Variants in CSDE1 observed in about 807,000 individuals in gnomAD.
CSDE1 encodes cold shock domain-containing protein E1.
Under a neutral mutation model 89.3 loss-of-function variants are expected in CSDE1, and 17 were observed. The observed-to-expected ratio is 0.19, with a 90% CI of 0.13 to 0.29. The LOEUF (loss-of-function observed/expected upper bound fraction) is 0.29. Ranked by LOEUF, CSDE1 falls within the 10% of genes least tolerant of loss-of-function variation. The pLI, the probability that CSDE1 is intolerant of heterozygous loss-of-function variation, is 1.00. For missense variants in CSDE1, 672 were observed against 984.2 expected, an observed-to-expected ratio of 0.68 and a Z score of 4.24; for synonymous variants, 322 against 332.8, an observed-to-expected ratio of 0.97 and a Z score of 0.35.
intron 16 of CSDE1, among the ~76,000 whole-genome samples, chr1:114,721,969 C>T (rs1165326544): frequency 6.6e-6 from 1 of 151,536 alleles, no homozygotes; most frequent in Non-Finnish European, 1.5e-5. Context: ...GCAACTTCCG[C>T]CTCCCAGGTT....
In CSDE1 at chr1:114,719,569, C is replaced by A. The variant is rs112388342; in HGVS notation, c.2216+10G>T. 82 of 1,610,546 alleles carry A rather than the reference C, an allele frequency of 5.1e-5. No individual in the cohort carries two copies. In the Middle Eastern group the frequency reaches 1.0e-3, roughly 20 times the overall value. On this transcript the variant is annotated intron_variant, in intron 18 of 19. Transcript: ENST00000358528. ...GTAGTTACTAATCAAACCACAACAACAAAACTCACCAGACTCGCCAAACAT... is the reference window on the plus strand; with the variant it reads ...GTAGTTACTAATCAAACCACAACAAAAAAACTCACCAGACTCGCCAAACAT...
At chr1:114,721,173 CCTTTT>C (rs1428324551) in intron 16 of CSDE1, among the ~76,000 whole-genome samples, 1 of 152,172 alleles carries the variant, frequency 6.6e-6, no homozygotes, top group African/African-American at 2.4e-5. Context: ...CACCCCACCT[CCTTTT>C]TTTTTGTTCG....
intron 16 of CSDE1, among the ~76,000 whole-genome samples, chr1:114,722,998 T>C (rs954759226): frequency 8.5e-5 from 13 of 152,202 alleles, no homozygotes; most frequent in Non-Finnish European, 1.3e-4. Flanking sequence ...CAAGCCATCA[T>C]CTTTTCTTTT....
Position 114,734,518 on chromosome 1 carries a change from C to A in CSDE1, c.506G>T (p.Gly169Val), listed in dbSNP as rs2101043754. Residue 169 changes from glycine to valine, a missense_variant, in exon 7 of 20, where the codon GGT (glycine) becomes GTT (valine). Coordinates refer to ENST00000358528, the MANE Select transcript of CSDE1 (RefSeq NM_001007553.3). ...NFVIDNNKHT[G>V]AVSARNIMLL... ...CATAATGTTGCGAGCACTTACAGCA[C>A]CAGTACTAGAAAAAAAATAATTGCA... is the stretch of plus-strand genomic sequence containing the variant. 6.2e-7 allele frequency: 1 copy of A among 1,609,796 alleles called. No individual in the cohort carries two copies. Among genetic ancestry groups the A allele is most frequent in the Non-Finnish European group, 8.5e-7 (1 of 1,178,628 alleles).
chr1:114,727,615 T>C (rs1659865767), intron 12 of CSDE1: 2 of 152,238 alleles, frequency 1.3e-5, no homozygotes, highest in Non-Finnish European at 2.9e-5. Flanking sequence ...TTAAAAATTA[T>C]GACATACTAG....
At chr1:114,740,008 G>A (rs2101057817) in intron 2 of CSDE1, 118 bp from the exon 3 acceptor site, 1 of 766,356 alleles carries the variant, frequency 1.3e-6, no homozygotes. Context: ...GTAAAATGAA[G>A]GGAAGATTAT....
In CSDE1 at chr1:114,737,554, C is replaced by T. The variant is rs142641678; in HGVS notation, c.319G>A (p.Ala107Thr). ...EERMNGQVVCAVPHNLESKSP... is the reference protein window; with the variant it reads ...EERMNGQVVCTVPHNLESKSP... ...TTACTCTCTAAGTTGTGAGGAACAG[C>T]GCACACAACCTACCAGTCAAAAAAA... The change falls in exon 5 of 20, where the codon GCT (alanine) becomes ACT (threonine). Residue 107 changes from alanine to threonine, a missense_variant. Physicochemically the swap from Ala to Thr is moderately conservative, Grantham distance 58. Coordinates refer to ENST00000358528, the MANE Select transcript of CSDE1 (RefSeq NM_001007553.3). 4.3e-6 allele frequency: 7 copies of T among 1,613,202 alleles called. No homozygotes were observed. Among genetic ancestry groups the T allele is most frequent in the East Asian group, 2.2e-5 (1 of 44,874 alleles).
chr1:114,730,124 A>G, intron 12 of CSDE1, 134 bp downstream of exon 12: 2 of 963,622 alleles, frequency 2.1e-6, no homozygotes, highest in Non-Finnish European at 3.1e-6. Context: ...TACTTTGTTT[A>G]GTTCACTGTT....
At chr1:114,722,613 A>G (rs1659589544) in intron 16 of CSDE1, among the ~76,000 whole-genome samples, 1 of 152,222 alleles carries the variant, frequency 6.6e-6, no homozygotes, top group Non-Finnish European at 1.5e-5. Flanking sequence ...AGAGATGCCT[A>G]AATAAAACCC....
chr1:114,736,115 C>A (rs917054025), intron 6 of CSDE1, among the ~76,000 whole-genome samples: 1 of 152,172 alleles, frequency 6.6e-6, no homozygotes, highest in Non-Finnish European at 1.5e-5. Context: ...TTAATTCCAA[C>A]CCCACCTTTA....
At chr1:114,744,573 A>G (rs1204167764) in intron 2 of CSDE1, among the ~76,000 whole-genome samples, 4 of 152,140 alleles carry the variant, frequency 2.6e-5, no homozygotes, top group African/African-American at 9.7e-5. Flanking sequence ...GTCTCAAAAC[A>G]AAAACAAAAA....
Position 114,732,820 on chromosome 1 carries a change from A to T in CSDE1, c.838-4T>A. 1 of 1,612,876 alleles carries T rather than the reference A, an allele frequency of 6.2e-7. No individual in the cohort carries two copies. Among genetic ancestry groups the T allele is most frequent in the Non-Finnish European group, 8.5e-7 (1 of 1,178,980 alleles). On this transcript the variant is annotated splice_polypyrimidine_tract_variant and splice_region_variant and intron_variant, in intron 9 of 19. Coordinates refer to ENST00000358528, the MANE Select transcript of CSDE1 (RefSeq NM_001007553.3). Reference sequence around the variant, plus strand: ...TGCGTCCTGGCAATGGGTCATTCTGATGAGAAGGAAAAACGATTTTAGCTG... The same window carrying T: ...TGCGTCCTGGCAATGGGTCATTCTGTTGAGAAGGAAAAACGATTTTAGCTG...
chr1:114,722,706 C>T (rs765782128), intron 16 of CSDE1, among the ~76,000 whole-genome samples: 7 of 152,092 alleles, frequency 4.6e-5, no homozygotes, highest in African/African-American at 1.4e-4. Context: ...AAAAGCAGCA[C>T]GTTAGGAGAT....
At position 114,727,156 on chromosome 1, in the gene CSDE1, A is replaced by G. The variant is rs371161359; in HGVS notation, c.1357-66T>C. ...AGAACAAAAACCAATAAAAACAACT[A>G]TAGTTCTTACATATTCTTGTGCCAA... On this transcript the variant is annotated intron_variant, in intron 12 of 19. Transcript: ENST00000358528. 244 of 1,112,318 alleles carry G rather than the reference A, an allele frequency of 2.2e-4. 3 individuals carry two copies. Among genetic ancestry groups the G allele is most frequent in the South Asian group, 1.3e-3 (101 of 77,840 alleles). The allele number at this position is 1,112,318 out of a possible 1,614,324, so 68.9% of individuals were successfully genotyped here. A position where few individuals can be genotyped will look rare whatever the true frequency, so the allele number is the denominator to read the frequency against.
Position 114,726,273 on chromosome 1 carries a change from C to T in CSDE1, c.1578G>A (p.Leu526=). 1 of 1,613,288 alleles carries T rather than the reference C, an allele frequency of 6.2e-7. No homozygotes were observed. The highest frequency in any genetic ancestry group is 8.5e-7 in the Non-Finnish European group (1 of 1,179,698). The change falls in exon 14 of 20, where the codon CTG becomes CTA. Residue 526 remains leucine (L), a synonymous_variant. Coordinates refer to ENST00000358528, the MANE Select transcript of CSDE1 (RefSeq NM_001007553.3). Reference sequence around the variant, plus strand: ...TTTCAATAAATCCAAAATTATCCTTCAGAGTTGCCACATAACCCAAGAGCC... The same window carrying T: ...TTTCAATAAATCCAAAATTATCCTTTAGAGTTGCCACATAACCCAAGAGCC... ...SKRLLGYVAT[L]KDNFGFIETA... is the part of the protein sequence containing the mutation.
At chr1:114,756,949 T>C (rs1018428980) in intron 1 of CSDE1, 1 of 152,172 alleles carries the variant, frequency 6.6e-6, no homozygotes, top group South Asian at 2.1e-4. Flanking sequence ...TGGCAAAAAT[T>C]TGAAGCTGTC....
chr1:114,733,891 C>T, intron 8 of CSDE1, 34 bp from the exon 9 acceptor site: 1 of 1,610,572 alleles, frequency 6.2e-7, no homozygotes, highest in South Asian at 1.1e-5. Context: ...GGTGGGGGGA[C>T]AGAGGAAGGA....
intron 14 of CSDE1, 114 bp downstream of exon 14, chr1:114,726,097 A>T (rs951838384): frequency 3.8e-6 from 4 of 1,054,038 alleles, no homozygotes; most frequent in Non-Finnish European, 5.4e-6. Flanking sequence ...TAATTCTACC[A>T]ATATGAAATC....
chr1:114,732,968 C>T (rs529777283), intron 9 of CSDE1, 152 bp from the exon 10 acceptor site: 2 of 651,220 alleles, frequency 3.1e-6, no homozygotes, highest in Admixed American at 2.8e-5. Context: ...AATGTGAAAG[C>T]TTCATGGTCT....
Sources: gnomAD v4.1 joint callset for allele counts (sites outside exome capture counted in the v4.1 genomes callset) on GRCh38, gnomAD v4.1.1 for gene constraint, MANE v1.5 for transcripts, NCBI Gene and HGNC (gene_info 2026-07-23, HGNC 2026-07-21) for gene names.